Variants in CACNA1I observed in about 807,000 individuals in gnomAD.
CACNA1I encodes the protein calcium voltage-gated channel subunit alpha1 I.
Under a neutral mutation model 201.6 loss-of-function variants are expected in CACNA1I, and 74 were observed. The observed-to-expected ratio is 0.37, with a 90% CI of 0.30 to 0.45. The LOEUF (loss-of-function observed/expected upper bound fraction) is 0.45, where lower values mean the gene tolerates loss of function less well. Ranked by LOEUF, CACNA1I falls within the 20% of genes least tolerant of loss-of-function variation. The probability of loss-of-function intolerance (pLI) is 1.00; values close to 1 mark genes in which losing one functional copy is unlikely to be tolerated. For missense variants in CACNA1I, 2,346 were observed against 3,138.1 expected (o/e 0.75, Z 6.03); for synonymous variants, 1,431 against 1,345.2 (o/e 1.06, Z -1.40).
In CACNA1I at chr22:39,689,167, C is replaced by T. The variant is rs188477643; in HGVS notation, c.*2762C>T. On this transcript the variant is annotated 3_prime_UTR_variant, in exon 37 of 37. Coordinates refer to ENST00000402142, the MANE Select transcript of CACNA1I (RefSeq NM_021096.4). ...CTGTGGGGAAAGTGGGGACCCAGGT[C>T]CCTGAGCTGTCTGCTGGGCTCCGTA... 5.7e-3 allele frequency: 880 copies of T among 153,178 alleles called. 2 individuals carry two copies. The highest frequency in any genetic ancestry group is 0.011 in the Non-Finnish European group (726 of 68,354). 9.5% of individuals were successfully genotyped at this position (153,178 alleles called of 1,614,324 possible).
At position 39,658,306 on chromosome 22, in the gene CACNA1I, AC is replaced by A; in HGVS notation, c.2144+7del. 6.2e-7 allele frequency: 1 copy of A among 1,612,660 alleles called. No homozygotes were observed. Among genetic ancestry groups the A allele is most frequent in the Non-Finnish European group, 8.5e-7 (1 of 1,179,266 alleles). ...GACAGCATCATTGTCATCATCAGGT[AC>A]CCCTCCCCCAACCCACCCGGCAGCA... is the stretch of plus-strand genomic sequence containing the variant. On this transcript the variant is annotated splice_donor_region_variant and intron_variant, in intron 11 of 36. Transcript: ENST00000402142.
intron 4 of CACNA1I, among the ~76,000 whole-genome samples, chr22:39,628,317 C>A (rs144250608): frequency 0.031 from 4,732 of 152,152 alleles, 103 homozygotes; most frequent in African/African-American, 0.063. Context: ...GCCAGTGGGA[C>A]GCCTGATCTG....
intron 4 of CACNA1I, among the ~76,000 whole-genome samples, chr22:39,631,668 T>C (rs1326086026): frequency 2.0e-5 from 3 of 152,132 alleles, no homozygotes; most frequent in Non-Finnish European, 4.4e-5. Flanking sequence ...GTCTTCTGTC[T>C]CTCTTTCTGT....
intron 2 of CACNA1I, 48 bp downstream of exon 2, chr22:39,598,310 A>T (rs1310123216): frequency 6.8e-5 from 57 of 840,722 alleles, no homozygotes; most frequent in African/African-American, 9.7e-5. Flanking sequence ...ATCCTCCAGG[A>T]CCCGGCCTAT....
chr22:39,579,013 C>G (rs1932460078), intron 1 of CACNA1I, among the ~76,000 whole-genome samples: 2 of 145,726 alleles, frequency 1.4e-5, no homozygotes, highest in African/African-American at 5.6e-5. Flanking sequence ...TCCTCACTAG[C>G]CTCCTCAGCC....
At chr22:39,642,947 C>A in intron 7 of CACNA1I, 58 bp downstream of exon 7, 2 of 1,232,606 alleles carry the variant, frequency 1.6e-6, no homozygotes, top group East Asian at 2.5e-5. Context: ...ACCAGGGGAC[C>A]TGAGGAGGGA....
chr22:39,685,693 G>A lies in CACNA1I; in HGVS notation c.6028-68G>A. On this transcript the variant is annotated intron_variant, in intron 36 of 36. Transcript: ENST00000402142. The surrounding 1 kb of genome is among the most constrained non-coding windows in gnomAD (Gnocchi z 5.0). ...TGCCTGCTGCCTGCTGTGCGGGGGA[G>A]GGCGGCGTCCAGGTTGCTGGGGTGG... 1 of 1,293,050 alleles carries A rather than the reference G, an allele frequency of 7.7e-7. No individual in the cohort carries two copies. The highest frequency in any genetic ancestry group is 2.8e-4 in the Middle Eastern group (1 of 3,590). 80.1% of individuals were successfully genotyped at this position (1,293,050 alleles called of 1,614,324 possible). A position where few individuals can be genotyped will look rare whatever the true frequency, so the allele number is the denominator to read the frequency against.
At chr22:39,656,256 A>G (rs1329721763) in intron 10 of CACNA1I, among the ~76,000 whole-genome samples, 1 of 151,638 alleles carries the variant, frequency 6.6e-6, no homozygotes, top group African/African-American at 2.4e-5. Context: ...TTTAACCCAC[A>G]TGGAGTCGGA....
intron 4 of CACNA1I, among the ~76,000 whole-genome samples, chr22:39,620,275 C>CCATCCATA (rs1435476036): frequency 5.2e-4 from 23 of 44,456 alleles, no homozygotes; most frequent in African/African-American, 1.6e-3. Context: ...ATCCATCCAT[C>CCATCCATA]CATACGTACA....
At chr22:39,681,352 C>G (rs146668916) in intron 34 of CACNA1I, among the ~76,000 whole-genome samples, 1 of 152,190 alleles carries the variant, frequency 6.6e-6, no homozygotes, top group Non-Finnish European at 1.5e-5. Context: ...CCCTGGCCGG[C>G]GGGGCTGTGA....
At chr22:39,630,894 G>A (rs557770485) in intron 4 of CACNA1I, among the ~76,000 whole-genome samples, 2 of 152,330 alleles carry the variant, frequency 1.3e-5, no homozygotes, top group East Asian at 3.9e-4. Flanking sequence ...GTGGGTGGGG[G>A]CAGAGTGTGT....
At chr22:39,581,714 C>T (rs868532980) in intron 1 of CACNA1I, among the ~76,000 whole-genome samples, 8 of 152,218 alleles carry the variant, frequency 5.3e-5, no homozygotes, top group South Asian at 2.1e-4. Context: ...CAAACTGCCT[C>T]ATGGTCCCAT....
intron 10 of CACNA1I, among the ~76,000 whole-genome samples, chr22:39,653,485 G>A (rs1375683101): frequency 2.6e-5 from 4 of 152,310 alleles, no homozygotes; most frequent in Non-Finnish European, 5.9e-5. Flanking sequence ...CTGAGGTGGC[G>A]CTCGCAGAGA....
At chr22:39,608,912 A>C (rs967982908) in intron 3 of CACNA1I, among the ~76,000 whole-genome samples, 1 of 152,154 alleles carries the variant, frequency 6.6e-6, no homozygotes, top group South Asian at 2.1e-4. Flanking sequence ...TGACTCTTAC[A>C]GACTCTTGGG....
At chr22:39,618,838 AGGGAGATCTG>A (rs1933642440) in intron 3 of CACNA1I, among the ~76,000 whole-genome samples, 1 of 151,596 alleles carries the variant, frequency 6.6e-6, no homozygotes, top group Non-Finnish European at 1.5e-5. Context: ...CTGCCTCTTG[AGGGAGATCTG>A]GGAAGACTTC....
rs755059631 is a variant in CACNA1I, at chr22:39,684,555, AG to A, written c.6027+58del. 3.2e-6 allele frequency: 5 copies of A among 1,561,102 alleles called. No homozygotes were observed. The Admixed American group carries it at 9.1e-5, about 28-fold the overall frequency. On this transcript the variant is annotated intron_variant, in intron 36 of 36. Transcript: ENST00000402142. This position sits in a 1 kb window ranked among gnomAD's most constrained non-coding sequence, Gnocchi z 4.6. ...GTCTGTGGGCAAGGGGCAGGATCTA[AG>A]CCAGGCCTGGAAGTCCAAGGGACTG...
chr22:39,582,823 A>C (rs1021024592), intron 1 of CACNA1I, among the ~76,000 whole-genome samples: 1 of 116,652 alleles, frequency 8.6e-6, no homozygotes, highest in African/African-American at 3.3e-5. Flanking sequence ...TTTACTCCCC[A>C]CCCACCCTTC....
chr22:39,616,764 CAAA>C (rs66551782), intron 3 of CACNA1I, among the ~76,000 whole-genome samples: 8,170 of 105,798 alleles, frequency 0.077, 228 homozygotes, highest in African/African-American at 0.11. Context: ...AACTCTGTCT[CAAA>C]AAAAAAAAAA....
rs539602088 is a variant in CACNA1I, at chr22:39,625,639, C to T, written c.580+6232C>T. Among the ~76,000 whole-genome samples the T allele has an allele frequency of 4.0e-5, 6 of 151,832 alleles. No individual in the cohort carries two copies. The East Asian group carries it at 1.2e-3, about 29-fold the overall frequency. On this transcript the variant is annotated intron_variant, in intron 4 of 36. Transcript: ENST00000402142. The stretch of plus-strand genomic sequence containing the variant: ...GTCTCTCCACCCCACCCCTGCAGGT[C>T]CTTGTTCAGGCCACTCAGCCTCTGA...
Sources: gnomAD v4.1 joint callset for allele counts (sites outside exome capture counted in the v4.1 genomes callset) on GRCh38, gnomAD v4.1.1 for gene constraint, Gnocchi (gnomAD v3.1) non-coding constraint, MANE v1.5 for transcripts, NCBI Gene and HGNC (gene_info 2026-07-23, HGNC 2026-07-21) for gene names.